Variants in DAPK3 observed in about 807,000 individuals in gnomAD.
DAPK3 encodes the protein death-associated protein kinase 3.
In DAPK3, 24 loss-of-function variants were observed where a neutral mutation model predicts 30.6. The observed-to-expected ratio is 0.78, with a 90% CI of 0.57 to 1.10. The LOEUF (loss-of-function observed/expected upper bound fraction) is 1.10. Among genes scored for constraint, DAPK3 ranks in the 50% least tolerant of loss-of-function variants. DAPK3 has a pLI of 0.00. For missense variants in DAPK3, 629 were observed against 657.3 expected, an observed-to-expected ratio of 0.96 and a Z score of 0.47; for synonymous variants, 341 against 284.0, an observed-to-expected ratio of 1.20 and a Z score of -2.02.
intron 1 of DAPK3, 79 bp from the exon 2 acceptor site, chr19:3,969,908 A>G (rs1456392523): frequency 5.1e-6 from 3 of 592,106 alleles, no homozygotes; most frequent in African/African-American, 3.7e-5. Context: ...AGACCTGTCC[A>G]GCAAACACAA....
At chr19:3,970,872 G>GCC (rs970814054) in intron 1 of DAPK3, 49 bp downstream of exon 1, 5 of 152,900 alleles carry the variant, frequency 3.3e-5, no homozygotes, top group African/African-American at 1.2e-4. Flanking sequence ...CGCACGCCCG[G>GCC]CCGAGCCCTT....
At position 3,959,545 on chromosome 19, in the gene DAPK3, G is replaced by C. The variant is rs1418895563; in HGVS notation, c.921C>G (p.Ile307Met). 2.5e-6 allele frequency: 4 copies of C among 1,579,590 alleles called. No homozygotes were observed. The highest frequency in any genetic ancestry group is 4.5e-5 in the East Asian group (2 of 44,182). Reference protein sequence around the residue: ...LKTTRLKEYTIKSHSSLPPNN... With the variant: ...LKTTRLKEYTMKSHSSLPPNN... ...TGGGCGGCAAGCTGGAGTGCGACTT[G>C]ATGGTGTACTCCTTCAGACGCGTGG... The change falls in exon 9 of 9, where the codon ATC (isoleucine) becomes ATG (methionine). Residue 307 changes from isoleucine (I) to methionine (M), a missense_variant. Coordinates refer to ENST00000545797, the MANE Select transcript of DAPK3 (RefSeq NM_001348.3).
intron 2 of DAPK3, among the ~76,000 whole-genome samples, chr19:3,966,366 G>A (rs909539857): frequency 2.0e-5 from 3 of 152,194 alleles, no homozygotes; most frequent in African/African-American, 7.2e-5. Context: ...GAAAGGGGTG[G>A]AAGGGGACAC....
At chr19:3,963,607 G>A (rs780313841) in intron 6 of DAPK3, 36 bp downstream of exon 6, 258 of 1,414,270 alleles carry the variant, frequency 1.8e-4, no homozygotes, top group Non-Finnish European at 2.4e-4. Context: ...TGCCAGCTGT[G>A]TTGCACAGCC....
intron 3 of DAPK3, 98 bp from the exon 4 acceptor site, chr19:3,964,471 C>T: frequency 9.3e-7 from 1 of 1,072,752 alleles, no homozygotes; most frequent in Non-Finnish European, 1.3e-6. Flanking sequence ...GCAACCTCAC[C>T]CCCACGCTCC....
intron 7 of DAPK3, among the ~76,000 whole-genome samples, chr19:3,960,525 C>T (rs1477996449): frequency 3.9e-5 from 6 of 152,142 alleles, no homozygotes; most frequent in Admixed American, 3.9e-4. Flanking sequence ...GCAATCCCAG[C>T]ACTTTGGGAG....
rs1256028509 is a variant in DAPK3, at chr19:3,961,179, G to A, written c.630-18C>T. ...CGCTCAGGCTGCGAGACAGGCGTGG[G>A]GGCTCAGTGGGGTCCTGGGCTCCCA... On this transcript the variant is annotated intron_variant, in intron 6 of 8. Coordinates refer to ENST00000545797, the MANE Select transcript of DAPK3 (RefSeq NM_001348.3). 2 of 1,604,062 alleles carry A rather than the reference G, an allele frequency of 1.2e-6. No individual in the cohort carries two copies. Among genetic ancestry groups the A allele is most frequent in the African/African-American group, 1.3e-5 (1 of 74,678 alleles).
chr19:3,963,700 C>A (rs1250901927), intron 5 of DAPK3, 31 bp from the exon 6 acceptor site: 1 of 1,519,908 alleles, frequency 6.6e-7, no homozygotes, highest in East Asian at 2.3e-5. Flanking sequence ...AGGGTCAGCG[C>A]AGCGTGGGGC....
intron 3 of DAPK3, 37 bp downstream of exon 3, chr19:3,964,594 T>C (rs1429354722): frequency 3.1e-5 from 19 of 619,792 alleles, no homozygotes; most frequent in Middle Eastern, 3.3e-4. Flanking sequence ...ACCCCCACAC[T>C]GGCCAGGCCG....
intron 6 of DAPK3, 155 bp from the exon 7 acceptor site, chr19:3,961,316 C>T (rs2039508774): frequency 1.2e-5 from 9 of 732,334 alleles, no homozygotes; most frequent in East Asian, 2.5e-5. Flanking sequence ...CTTCCTGCAA[C>T]GATCCCAGAC....
At chr19:3,964,577 C>A in intron 3 of DAPK3, 54 bp downstream of exon 3, 1 of 1,436,410 alleles carries the variant, frequency 7.0e-7, no homozygotes, top group Non-Finnish European at 9.5e-7. Context: ...TTCCCCGCCC[C>A]ATCCCCACCC....
chr19:3,961,492 C>G (rs1171104984), intron 6 of DAPK3: 1 of 542,142 alleles, frequency 1.8e-6, no homozygotes, highest in Non-Finnish European at 3.8e-6. Context: ...CAGTGGGGAG[C>G]CCGAGCCAAC....
chr19:3,965,000 G>C lies in DAPK3; in HGVS notation c.63-9C>G, dbSNP rs371498792. Reference sequence around the variant, plus strand: ...CGATCGCAAACTGGCCGCTGGAGGAGGGGGAGGGAGTGAGTGGGGGTGGAG... The same window carrying C: ...CGATCGCAAACTGGCCGCTGGAGGACGGGGAGGGAGTGAGTGGGGGTGGAG... On this transcript the variant is annotated splice_polypyrimidine_tract_variant and intron_variant, in intron 2 of 8. Coordinates refer to ENST00000545797, the MANE Select transcript of DAPK3 (RefSeq NM_001348.3). 4.6e-5 allele frequency: 72 copies of C among 1,561,706 alleles called. No individual in the cohort carries two copies. The highest frequency in any genetic ancestry group is 6.3e-5 in the Non-Finnish European group (72 of 1,139,804).
Position 3,959,632 on chromosome 19 carries a change from G to C in DAPK3, c.834C>G (p.Ile278Met). Residue 278 changes from isoleucine to methionine, a missense_variant, in exon 9 of 9, where the codon ATC (isoleucine) becomes ATG (methionine). This residue lies in a region of DAPK3 where 323 missense variants were observed against 278.8 expected (regional missense o/e 1.16). Transcript: ENST00000545797. ...CCTCACCACGCACGTTCCGCCGCCG[G>C]ATCGCCTAGGAAGGAGGGAAGCCTG... is the stretch of plus-strand genomic sequence containing the variant. ...QSLEHSWIKA[I>M]RRRNVRGEDS... The C allele has an allele frequency of 6.3e-7, 1 of 1,577,916 alleles. No individual in the cohort carries two copies. The highest frequency in any genetic ancestry group is 8.6e-7 in the Non-Finnish European group (1 of 1,168,756).
rs768239001 is a variant in DAPK3, at chr19:3,964,950, G to A, written c.104C>T (p.Thr35Met). ...AIVRKCRQKG[T>M]GKEYAAKFIK... Reference sequence around the variant, plus strand: ...GAACTTGGCTGCGTACTCCTTGCCCGTGCCCTTCTGCCGGCACTTCCGCAC... The same window carrying A: ...GAACTTGGCTGCGTACTCCTTGCCCATGCCCTTCTGCCGGCACTTCCGCAC... Residue 35 changes from threonine to methionine, a missense_variant, in exon 3 of 9, where the codon ACG becomes ATG. Coordinates refer to ENST00000545797, the MANE Select transcript of DAPK3 (RefSeq NM_001348.3). 1.9e-5 allele frequency: 30 copies of A among 1,610,618 alleles called. No homozygotes were observed. Among genetic ancestry groups the A allele is most frequent in the African/African-American group, 1.3e-4 (10 of 74,824 alleles).
At position 3,959,652 on chromosome 19, in the gene DAPK3, A is replaced by G; in HGVS notation, c.829-15T>C. 1 of 1,561,740 alleles carries G rather than the reference A, an allele frequency of 6.4e-7. No homozygotes were observed. Among genetic ancestry groups the G allele is most frequent in the African/African-American group, 1.3e-5 (1 of 74,510 alleles). On this transcript the variant is annotated splice_polypyrimidine_tract_variant and intron_variant, in intron 8 of 8. Coordinates refer to ENST00000545797, the MANE Select transcript of DAPK3 (RefSeq NM_001348.3). ...CGCCGGATCGCCTAGGAAGGAGGGAAGCCTGAGCGGGGTCCCCGCGATGCC... is the reference window on the plus strand; with the variant it reads ...CGCCGGATCGCCTAGGAAGGAGGGAGGCCTGAGCGGGGTCCCCGCGATGCC...
chr19:3,969,025 C>G (rs1377918158), intron 2 of DAPK3, among the ~76,000 whole-genome samples: 1 of 152,190 alleles, frequency 6.6e-6, no homozygotes, highest in South Asian at 2.1e-4. Flanking sequence ...AACAATTGAC[C>G]GAGGTTTGGG....
rs2039559118 is a variant in DAPK3, at chr19:3,964,800, T to C, written c.254A>G (p.Asn85Ser). Residue 85 changes from asparagine (N) to serine (S), a missense_variant, in exon 3 of 9, where the codon AAC (asparagine) becomes AGC (serine). This residue lies in a region of DAPK3 where 306 missense variants were observed against 378.5 expected (regional missense o/e 0.81). Coordinates refer to ENST00000545797, the MANE Select transcript of DAPK3 (RefSeq NM_001348.3). ...NIITLHDIFE[N>S]KTDVVLILEL... ...CAGGATGAGGACCACGTCCGTCTTG[T>C]TCTCGAAGATGTCGTGCAGGGTGAT... The C allele has an allele frequency of 1.2e-6, 2 of 1,612,312 alleles. No homozygotes were observed. Among genetic ancestry groups the C allele is most frequent in the South Asian group, 1.1e-5 (1 of 91,032 alleles).
At chr19:3,968,310 C>T (rs886080424) in intron 2 of DAPK3, among the ~76,000 whole-genome samples, 6 of 152,152 alleles carry the variant, frequency 3.9e-5, no homozygotes, top group Non-Finnish European at 5.9e-5. Context: ...GCCTGGCCAA[C>T]ATGGTGAAAT....
Sources: gnomAD v4.1 joint callset for allele counts (sites outside exome capture counted in the v4.1 genomes callset) on GRCh38, gnomAD v4.1.1 for gene constraint, gnomAD v4.1.1 regional missense constraint, MANE v1.5 for transcripts, NCBI Gene and HGNC (gene_info 2026-07-23, HGNC 2026-07-21) for gene names.